The following BCAS3 variants were observed in gnomAD, a reference collection of about 807,000 sequenced individuals.
The protein encoded by BCAS3 is BCAS4/BCAS3 fusion.
Under a neutral mutation model 116.1 loss-of-function variants are expected in BCAS3, and 53 were observed. The observed-to-expected ratio is 0.46, with a 90% CI of 0.37 to 0.57. The LOEUF (loss-of-function observed/expected upper bound fraction) is 0.57, where lower values mean the gene tolerates loss of function less well. BCAS3 is among the 20% of genes least tolerant of loss of function. BCAS3 has a pLI of 0.00. For synonymous variants in BCAS3, 391 were observed against 408.2 expected, an observed-to-expected ratio of 0.96 and a Z score of 0.51; for missense variants, 917 against 1,165.4, an observed-to-expected ratio of 0.79 and a Z score of 3.10.
chr17:60,813,773 A>G, intron 7 of BCAS3, among the ~76,000 whole-genome samples: 1 of 151,992 alleles, frequency 6.6e-6, no homozygotes, highest in Non-Finnish European at 1.5e-5. Flanking sequence ...GGATTTTTAT[A>G]GTTTAGGGAG....
chr17:60,686,349 A>C (rs2034042658), intron 3 of BCAS3, among the ~76,000 whole-genome samples: 1 of 152,060 alleles, frequency 6.6e-6, no homozygotes, highest in South Asian at 2.1e-4. Flanking sequence ...AAATTCATGG[A>C]GCCTAGGTAT....
chr17:60,919,866 G>A (rs1297457648), intron 12 of BCAS3, among the ~76,000 whole-genome samples: 2 of 151,990 alleles, frequency 1.3e-5, no homozygotes, highest in African/African-American at 4.8e-5. Flanking sequence ...CTACCGCTAA[G>A]AAATTACTCA....
chr17:60,916,296 A>G (rs1230578786), intron 12 of BCAS3, among the ~76,000 whole-genome samples: 3 of 152,230 alleles, frequency 2.0e-5, no homozygotes, highest in Non-Finnish European at 4.4e-5. Context: ...AACTGAATCC[A>G]TGGAAGCTGA....
At position 61,204,461 on chromosome 17, in the gene BCAS3, G is replaced by A. The variant is rs1038591577; in HGVS notation, c.2425+119897G>A. Among the ~76,000 whole-genome samples the A allele has an allele frequency of 6.6e-6, 1 of 152,098 alleles. No homozygotes were observed. The highest frequency in any genetic ancestry group is 1.5e-5 in the Non-Finnish European group (1 of 68,014). ...ACATTCATATTTGACTGCGCATTAT[G>A]TGAAAAATTGAATTTGGGAAACATT... On this transcript the variant is annotated intron_variant, in intron 22 of 23. Transcript: ENST00000407086. This position sits in a 1 kb window ranked among gnomAD's most constrained non-coding sequence, Gnocchi z 4.2.
chr17:60,920,776 A>G (rs1348764685), intron 12 of BCAS3, among the ~76,000 whole-genome samples: 1 of 152,058 alleles, frequency 6.6e-6, no homozygotes, highest in Non-Finnish European at 1.5e-5. Flanking sequence ...AGGCTGAGGC[A>G]GGAGAATCGC....
intron 22 of BCAS3, among the ~76,000 whole-genome samples, chr17:61,168,435 C>G (rs1315350627): frequency 6.6e-6 from 1 of 152,142 alleles, no homozygotes; most frequent in Non-Finnish European, 1.5e-5. Context: ...CAAATGAAAG[C>G]TAATTTATTT....
chr17:61,138,872 C>T (rs1437531754), intron 22 of BCAS3, among the ~76,000 whole-genome samples: 5 of 151,912 alleles, frequency 3.3e-5, no homozygotes, highest in African/African-American at 1.2e-4. Context: ...TTTTCATACC[C>T]ATAAGATTTG....
chr17:61,303,056 C>T (rs756514210), intron 22 of BCAS3, among the ~76,000 whole-genome samples: 4 of 152,266 alleles, frequency 2.6e-5, no homozygotes, highest in African/African-American at 7.2e-5. Context: ...AAGGCCTGTC[C>T]GACAACAGGA....
chr17:60,828,921 A>G (rs937811871), intron 7 of BCAS3, among the ~76,000 whole-genome samples: 3 of 152,170 alleles, frequency 2.0e-5, no homozygotes, highest in African/African-American at 7.2e-5. Context: ...TGGTTGCCAC[A>G]TCATGGAGTA....
chr17:60,874,590 A>G (rs2055419210), intron 8 of BCAS3, 72 bp from the exon 9 acceptor site: 1 of 1,070,304 alleles, frequency 9.3e-7, no homozygotes, highest in Non-Finnish European at 1.4e-6. Context: ...GATATAATGC[A>G]TTTCTGATTC....
chr17:60,784,762 C>T (rs1013641741), intron 6 of BCAS3, among the ~76,000 whole-genome samples: 5 of 151,902 alleles, frequency 3.3e-5, no homozygotes, highest in Admixed American at 1.3e-4. Context: ...ATTTTAAAAG[C>T]GTTTCTGGAA....
intron 22 of BCAS3, among the ~76,000 whole-genome samples, chr17:61,329,379 C>T (rs1408546910): frequency 4.9e-5 from 7 of 142,486 alleles, no homozygotes; most frequent in African/African-American, 1.0e-4. Context: ...CTCGCTCTGT[C>T]GCCCAGGCCG....
rs1170948603 is a variant in BCAS3 at position 61,204,784 on chromosome 17, G to T, written c.2425+120220G>T. Among the ~76,000 whole-genome samples the T allele has an allele frequency of 6.6e-6, 1 of 152,170 alleles. No individual in the cohort carries two copies. Among genetic ancestry groups the T allele is most frequent in the Non-Finnish European group, 1.5e-5 (1 of 68,044 alleles). ...ATTAAAGAATTGGCCTGGCATGGTG[G>T]CTCATGTCTGTAATCCAAGCACTTT... On this transcript the variant is annotated intron_variant, in intron 22 of 23. Coordinates refer to ENST00000407086, the MANE Select transcript of BCAS3 (RefSeq NM_017679.5). The surrounding 1 kb of genome is among the most constrained non-coding windows in gnomAD (Gnocchi z 4.2).
intron 13 of BCAS3, among the ~76,000 whole-genome samples, chr17:60,937,472 A>T (rs2059996336): frequency 6.6e-6 from 1 of 152,138 alleles, no homozygotes; most frequent in Non-Finnish European, 1.5e-5. Flanking sequence ...CTTACGTAAT[A>T]TAAGTTGCAC....
At chr17:61,293,431 A>G (rs1390607933) in intron 22 of BCAS3, among the ~76,000 whole-genome samples, 1 of 152,136 alleles carries the variant, frequency 6.6e-6, no homozygotes, top group African/African-American at 2.4e-5. Context: ...AGAGCTGCCT[A>G]TCATCAGATA....
intron 22 of BCAS3, among the ~76,000 whole-genome samples, chr17:61,345,517 G>A (rs1387808322): frequency 6.6e-6 from 1 of 151,982 alleles, no homozygotes; most frequent in Admixed American, 6.6e-5. Flanking sequence ...AGGGAGGGAG[G>A]AAGGAAGGGA....
chr17:60,688,127 A>C (rs554227271), intron 3 of BCAS3: 10 of 152,312 alleles, frequency 6.6e-5, no homozygotes, highest in African/African-American at 2.4e-4. Flanking sequence ...GAAAAAAGGA[A>C]GTTGTCCTAA....
At chr17:60,828,916 G>T (rs188768845) in intron 7 of BCAS3, among the ~76,000 whole-genome samples, 2 of 152,230 alleles carry the variant, frequency 1.3e-5, no homozygotes, top group Admixed American at 1.3e-4. Context: ...TTTTTTGGTT[G>T]CCACATCATG....
At chr17:61,048,468 C>A (rs1195592072) in intron 19 of BCAS3, among the ~76,000 whole-genome samples, 1 of 151,872 alleles carries the variant, frequency 6.6e-6, no homozygotes, top group Non-Finnish European at 1.5e-5. Context: ...CAGGGAACTC[C>A]CTCAGTTGAG....
Sources: gnomAD v4.1 joint callset for allele counts (sites outside exome capture counted in the v4.1 genomes callset) on GRCh38, gnomAD v4.1.1 for gene constraint, Gnocchi (gnomAD v3.1) non-coding constraint, MANE v1.5 for transcripts, NCBI Gene and HGNC (gene_info 2026-07-23, HGNC 2026-07-21) for gene names.